DMD: variants seen among roughly 807,000 people sequenced by gnomAD.
The protein encoded by DMD is dystrophin.
Under a neutral mutation model 330.1 loss-of-function variants are expected in DMD, and 63 were observed. The ratio of observed to expected loss-of-function variants is 0.19; its 90% CI spans 0.16 to 0.24. The LOEUF (loss-of-function observed/expected upper bound fraction) is 0.24, where lower values mean the gene tolerates loss of function less well. Among genes scored for constraint, DMD ranks in the 10% least tolerant of loss-of-function variants. The probability of loss-of-function intolerance (pLI) is 1.00; values close to 1 mark genes in which losing one functional copy is unlikely to be tolerated. For missense variants in DMD, 3,344 were observed against 2,684.1 expected, an observed-to-expected ratio of 1.25 and a Z score of -5.43; for synonymous variants, 1,223 against 959.8, an observed-to-expected ratio of 1.27 and a Z score of -5.07.
At chrX:31,297,026 TACAATTGTGTATAC>T (rs2054239782) in intron 62 of DMD, among the ~76,000 whole-genome samples, 1 of 111,752 alleles carries the variant, frequency 8.9e-6, no homozygotes, top group African/African-American at 3.3e-5. Flanking sequence ...TATTTAATTT[TACAATTGTGTATAC>T]ACAATTGTGT....
At chrX:32,534,081 C>T (rs1475578195) in intron 17 of DMD, among the ~76,000 whole-genome samples, 5 of 111,884 alleles carry the variant, frequency 4.5e-5, no homozygotes, top group African/African-American at 1.3e-4. Flanking sequence ...TTAACAAAGC[C>T]GGTTTTTAGT....
chrX:31,892,727 C>T (rs544874564), intron 47 of DMD, among the ~76,000 whole-genome samples: 6 of 111,406 alleles, frequency 5.4e-5, no homozygotes, highest in East Asian at 2.8e-4. Context: ...GGCAAGTACT[C>T]GTGCATCTAA....
intron 52 of DMD, among the ~76,000 whole-genome samples, chrX:31,728,718 A>G (rs973135686): frequency 8.9e-6 from 1 of 111,910 alleles, no homozygotes; most frequent in Non-Finnish European, 1.9e-5. Context: ...CAAAGAGAAA[A>G]AAAAAGATGG....
At chrX:32,779,781 A>C (rs937071840) in intron 7 of DMD, among the ~76,000 whole-genome samples, 17 of 107,008 alleles carry the variant, frequency 1.6e-4, no homozygotes, top group Non-Finnish European at 2.7e-4. Context: ...TGACGAGCTA[A>C]TGGGTGCAGC....
At chrX:32,648,809 T>C (rs1213399638) in intron 9 of DMD, among the ~76,000 whole-genome samples, 1 of 111,907 alleles carries the variant, frequency 8.9e-6, no homozygotes, top group Non-Finnish European at 1.9e-5. Flanking sequence ...CAAAATATGT[T>C]TTTATCATCA....
At chrX:32,090,474 T>A (rs1026441920) in intron 44 of DMD, among the ~76,000 whole-genome samples, 2 of 111,442 alleles carry the variant, frequency 1.8e-5, no homozygotes, top group Admixed American at 1.9e-4. Flanking sequence ...GAAAGAACCC[T>A]CCCACCTTAC....
intron 2 of DMD, among the ~76,000 whole-genome samples, chrX:32,891,114 A>C (rs1231601701): frequency 8.9e-6 from 1 of 112,541 alleles, no homozygotes; most frequent in East Asian, 2.8e-4. Context: ...AAAAAGTTTA[A>C]ATTACATATA....
chrX:31,965,046 G>A (rs752871456), intron 45 of DMD, among the ~76,000 whole-genome samples: 6 of 111,304 alleles, frequency 5.4e-5, no homozygotes, highest in Non-Finnish European at 1.1e-4. Flanking sequence ...CCTTGCTTCC[G>A]TCTCCCATTC....
At chrX:32,104,686 A>G (rs958042384) in intron 44 of DMD, among the ~76,000 whole-genome samples, 1 of 111,967 alleles carries the variant, frequency 8.9e-6, no homozygotes, top group Non-Finnish European at 1.9e-5. Flanking sequence ...AAACGTGTGA[A>G]TGTTTTCATG....
chrX:31,365,691 T>C (rs1444926809), intron 60 of DMD, among the ~76,000 whole-genome samples: 1 of 112,328 alleles, frequency 8.9e-6, no homozygotes. Flanking sequence ...CAGCTGCCCC[T>C]TTTACTCCGT....
At chrX:32,542,155 G>T (rs962176404) in intron 17 of DMD, among the ~76,000 whole-genome samples, 1 of 111,757 alleles carries the variant, frequency 8.9e-6, no homozygotes, top group Non-Finnish European at 1.9e-5. Flanking sequence ...AAAAGGCCGG[G>T]CATGGTGGCT....
At chrX:32,563,666 G>A (rs1420991451) in intron 16 of DMD, among the ~76,000 whole-genome samples, 1 of 111,610 alleles carries the variant, frequency 9.0e-6, no homozygotes, top group Non-Finnish European at 1.9e-5. Flanking sequence ...GGCTTCAAAT[G>A]CTTTTCTACC....
At chrX:31,300,944 A>C (rs1281141584) in intron 62 of DMD, among the ~76,000 whole-genome samples, 1 of 112,204 alleles carries the variant, frequency 8.9e-6, no homozygotes, top group African/African-American at 3.2e-5. Flanking sequence ...TCCATCAGAG[A>C]AATGACATTA....
At chrX:32,011,013 T>G (rs2095704147) in intron 44 of DMD, among the ~76,000 whole-genome samples, 1 of 112,339 alleles carries the variant, frequency 8.9e-6, no homozygotes, top group Non-Finnish European at 1.9e-5. Flanking sequence ...ACACAACCAC[T>G]CTTACATAGG....
intron 1 of DMD, among the ~76,000 whole-genome samples, chrX:33,110,439 G>C (rs763251691): frequency 9.0e-6 from 1 of 110,962 alleles, no homozygotes; most frequent in South Asian, 3.7e-4. Context: ...ACTATTATAT[G>C]CTATTAATAC....
At chrX:32,056,438 T>C (rs1292290962) in intron 44 of DMD, among the ~76,000 whole-genome samples, 1 of 75,875 alleles carries the variant, frequency 1.3e-5, no homozygotes, top group African/African-American at 4.8e-5. Context: ...AAATCAGAAA[T>C]GAAAGAGGAG....
chrX:32,523,932 CTTT>C (rs57254581), intron 17 of DMD, among the ~76,000 whole-genome samples: 3 of 87,436 alleles, frequency 3.4e-5, no homozygotes, highest in Admixed American at 1.3e-4. Flanking sequence ...CAAAAGAAAT[CTTT>C]TTTTTTTTTT....
intron 60 of DMD, among the ~76,000 whole-genome samples, chrX:31,403,070 A>G (rs2061262085): frequency 8.9e-6 from 1 of 112,273 alleles, no homozygotes; most frequent in Admixed American, 9.5e-5. Flanking sequence ...GAAAAGACAT[A>G]GAAGAATTAC....
chrX:32,513,753 A>G (rs2045575627), intron 18 of DMD, among the ~76,000 whole-genome samples: 2 of 111,944 alleles, frequency 1.8e-5, no homozygotes, highest in Non-Finnish European at 3.8e-5. Flanking sequence ...CTAAAGATAC[A>G]TATGGGAGAA....
Sources: gnomAD v4.1 joint callset for allele counts (sites outside exome capture counted in the v4.1 genomes callset) on GRCh38, gnomAD v4.1.1 for gene constraint, MANE v1.5 for transcripts, NCBI Gene and HGNC (gene_info 2026-07-23, HGNC 2026-07-21) for gene names.